The following TYW1B variants were observed in gnomAD, a reference collection of about 807,000 sequenced individuals.
The protein encoded by TYW1B is tRNA-yW synthesizing protein 1 homolog B, also known as S-adenosyl-L-methionine-dependent tRNA 4-demethylwyosine synthase TYW1B.
In TYW1B, 73 loss-of-function variants were observed where a neutral mutation model predicts 86.9. The observed-to-expected ratio is 0.84, with a 90% CI of 0.70 to 1.02. The LOEUF (loss-of-function observed/expected upper bound fraction) is 1.02, where lower values mean the gene tolerates loss of function less well. Ranked by LOEUF, TYW1B falls within the 50% of genes least tolerant of loss-of-function variation. TYW1B has a pLI of 0.00. For missense variants in TYW1B, 637 were observed against 827.4 expected, an observed-to-expected ratio of 0.77 and a Z score of 2.82; for synonymous variants, 248 against 292.8, an observed-to-expected ratio of 0.85 and a Z score of 1.56.
intron 9 of TYW1B, among the ~76,000 whole-genome samples, chr7:72,716,622 G>A (rs1203233600): frequency 8.7e-6 from 1 of 115,336 alleles, no homozygotes; most frequent in African/African-American, 3.1e-5. Flanking sequence ...CGAGACATAG[G>A]GGCTGTGGCT....
intron 8 of TYW1B, among the ~76,000 whole-genome samples, chr7:72,739,036 T>C (rs1264636914): frequency 4.6e-5 from 7 of 152,084 alleles, no homozygotes; most frequent in African/African-American, 1.7e-4. Context: ...CAGTGAGCTA[T>C]GATTGCACCA....
chr7:72,679,649 A>G (rs1351013567), intron 11 of TYW1B, among the ~76,000 whole-genome samples: 2 of 152,222 alleles, frequency 1.3e-5, no homozygotes, highest in African/African-American at 4.8e-5. Flanking sequence ...ATGAATGTAC[A>G]TGATACCACT....
intron 11 of TYW1B, among the ~76,000 whole-genome samples, chr7:72,679,917 G>A (rs782253535): frequency 4.3e-4 from 66 of 152,246 alleles, no homozygotes; most frequent in Non-Finnish European, 7.8e-4. Context: ...ATCACTTGAC[G>A]CCAGGAGTTC....
intron 1 of TYW1B, 106 bp downstream of exon 1, chr7:72,827,966 T>C: frequency 2.5e-6 from 4 of 1,571,580 alleles, no homozygotes; most frequent in Non-Finnish European, 3.5e-6. Flanking sequence ...AGTGCAACAG[T>C]CTCCGAAGGA....
chr7:72,789,874 C>G (rs1437963327), intron 6 of TYW1B, among the ~76,000 whole-genome samples: 1 of 150,978 alleles, frequency 6.6e-6, no homozygotes, highest in Admixed American at 6.6e-5. Context: ...GATGTCTAGC[C>G]TTTGTCCCCA....
At position 72,697,050 on chromosome 7, in the gene TYW1B, AAAAAAAAAAAAG is replaced by A. The variant is rs1814338351; in HGVS notation, c.1371-2240_1371-2229del. Among the ~76,000 whole-genome samples the A allele has an allele frequency of 3.4e-4, 3 of 8,746 alleles. No homozygotes were observed. The South Asian group carries it at 7.1e-3, about 21-fold the overall frequency. 5.7% of individuals were successfully genotyped at this position (8,746 alleles called of 152,430 possible). A position where few individuals can be genotyped will look rare whatever the true frequency, so the allele number is the denominator to read the frequency against. Reference sequence around the variant, plus strand: ...TCTACTTAAAAAAAAAAAAAAAAAAAAAAAAAAAAAAGGACTGTCTTAATGGTTACTGCTGGC... The same window carrying A: ...TCTACTTAAAAAAAAAAAAAAAAAAAGACTGTCTTAATGGTTACTGCTGGC... On this transcript the variant is annotated intron_variant, in intron 10 of 13. Transcript: ENST00000620995.
At chr7:72,757,444 T>C (rs1554466425) in intron 7 of TYW1B, among the ~76,000 whole-genome samples, 1 of 145,838 alleles carries the variant, frequency 6.9e-6, no homozygotes, top group African/African-American at 2.5e-5. Flanking sequence ...AAAAAAACAA[T>C]GGAGAACTTA....
At chr7:72,721,497 C>A (rs1786900842) in intron 9 of TYW1B, among the ~76,000 whole-genome samples, 1 of 151,996 alleles carries the variant, frequency 6.6e-6, no homozygotes, top group African/African-American at 2.4e-5. Context: ...CTGGTAATAG[C>A]CTCTAAATTT....
At chr7:72,735,108 A>G (rs1256192840) in intron 8 of TYW1B, among the ~76,000 whole-genome samples, 3 of 152,182 alleles carry the variant, frequency 2.0e-5, no homozygotes, top group Non-Finnish European at 2.9e-5. Context: ...CTGAATATAC[A>G]TCCAAAGGAA....
chr7:72,828,169 G>A lies in TYW1B; in HGVS notation c.-94C>T. The A allele has an allele frequency of 3.2e-6, 5 of 1,585,690 alleles. No individual in the cohort carries two copies. Among genetic ancestry groups the A allele is most frequent in the Non-Finnish European group, 4.3e-6 (5 of 1,165,506 alleles). Reference sequence around the variant, plus strand: ...GAGACGCACCGAGCTACCTCGCGGCGTTAGCGCCGTACCGAGTGGCTGCAG... The same window carrying A: ...GAGACGCACCGAGCTACCTCGCGGCATTAGCGCCGTACCGAGTGGCTGCAG... On this transcript the variant is annotated 5_prime_UTR_variant, in exon 1 of 14. It adds an upstream start codon to the 5' untranslated region. Coordinates refer to ENST00000620995, the MANE Select transcript of TYW1B (RefSeq NM_001145440.3).
At chr7:72,792,173 A>G (rs1443335196) in intron 6 of TYW1B, among the ~76,000 whole-genome samples, 2 of 152,038 alleles carry the variant, frequency 1.3e-5, no homozygotes, top group Admixed American at 1.3e-4. Context: ...TACAAAAAAT[A>G]CAAACTAGTT....
intron 9 of TYW1B, among the ~76,000 whole-genome samples, chr7:72,720,259 G>A (rs1786870793): frequency 1.3e-5 from 2 of 152,154 alleles, no homozygotes; most frequent in South Asian, 4.1e-4. Flanking sequence ...AAGCATTGGA[G>A]CTAACAGGAC....
rs1554436929 is a variant in TYW1B, at chr7:72,616,709, T to C, written c.1748A>G (p.His583Arg). ...TATCAGGAGGCAATTAGAGTGTTCG[T>C]GTTCACATGCAATTTCATATTCGGG... The part of the protein sequence containing the change: ...LIPEYEIACE[H>R]EHSNCLLIAH... Residue 583 changes from histidine (H) to arginine (R), a missense_variant, in exon 13 of 14, where the codon CAC becomes CGC. Coordinates refer to ENST00000620995, the MANE Select transcript of TYW1B (RefSeq NM_001145440.3). The C allele has an allele frequency of 1.2e-6, 2 of 1,614,214 alleles. No individual in the cohort carries two copies. The highest frequency in any genetic ancestry group is 2.2e-5 in the East Asian group (1 of 44,886).
chr7:72,621,632 T>A (rs1429365000), intron 12 of TYW1B, among the ~76,000 whole-genome samples: 2 of 152,228 alleles, frequency 1.3e-5, no homozygotes, highest in Admixed American at 6.5e-5. Flanking sequence ...ACCAGGTAAC[T>A]GGTATAAAGA....
intron 2 of TYW1B, among the ~76,000 whole-genome samples, chr7:72,820,976 TTTG>T (rs1339728770): frequency 5.3e-5 from 8 of 152,208 alleles, no homozygotes; most frequent in South Asian, 2.1e-4. Flanking sequence ...TTAGATTTTT[TTTG>T]TTGTTGTTGT....
chr7:72,653,586 G>A (rs1373784522), intron 11 of TYW1B, among the ~76,000 whole-genome samples: 11 of 147,388 alleles, frequency 7.5e-5, no homozygotes, highest in East Asian at 2.0e-4. Context: ...CAGCCTGGGC[G>A]ACAGAGCGAG....
intron 11 of TYW1B, among the ~76,000 whole-genome samples, chr7:72,660,984 G>T: frequency 6.7e-6 from 1 of 149,896 alleles, no homozygotes; most frequent in African/African-American, 2.4e-5. Flanking sequence ...AAATACAAAA[G>T]ATTAGCTAGG....
At chr7:72,788,635 C>A (rs1178219527) in intron 6 of TYW1B, among the ~76,000 whole-genome samples, 3 of 151,926 alleles carry the variant, frequency 2.0e-5, no homozygotes, top group African/African-American at 7.3e-5. Flanking sequence ...GGGGTTCAAG[C>A]GATTCTCCTG....
At chr7:72,618,438 AACTCCTG>A (rs576475902) in intron 12 of TYW1B, among the ~76,000 whole-genome samples, 112 of 152,006 alleles carry the variant, frequency 7.4e-4, no homozygotes, top group Non-Finnish European at 1.4e-3. Context: ...GCTGGTCTTG[AACTCCTG>A]ACCTCAAATG....
Sources: allele counts gnomAD v4.1 joint callset (sites outside exome capture counted in the v4.1 genomes callset), GRCh38; gene constraint gnomAD v4.1.1; transcripts MANE v1.5; gene names NCBI Gene and HGNC (gene_info 2026-07-23, HGNC 2026-07-21).